The following MYCBP2 variants were observed in gnomAD, a reference collection of about 807,000 sequenced individuals.
MYCBP2 encodes the protein E3 ubiquitin-protein ligase MYCBP2.
In MYCBP2, 120 loss-of-function variants were observed where a neutral mutation model predicts 525.3. The observed-to-expected ratio is 0.23, with a 90% CI of 0.20 to 0.27. MYCBP2 has a LOEUF of 0.27. Ranked by LOEUF, MYCBP2 falls within the 10% of genes least tolerant of loss-of-function variation. MYCBP2 has a pLI of 1.00. For synonymous variants in MYCBP2, 1,894 were observed against 1,955.8 expected, an observed-to-expected ratio of 0.97 and a Z score of 0.83; for missense variants, 4,149 against 5,657.1, an observed-to-expected ratio of 0.73 and a Z score of 8.55.
chr13:77,162,413 T>A (rs2058042971), intron 43 of MYCBP2, among the ~76,000 whole-genome samples: 1 of 152,232 alleles, frequency 6.6e-6, no homozygotes, highest in South Asian at 2.1e-4. Flanking sequence ...TTAGTTAATA[T>A]AGAACATATT....
At chr13:77,107,893 TAGG>T (rs1477721800) in intron 55 of MYCBP2, among the ~76,000 whole-genome samples, 6 of 152,100 alleles carry the variant, frequency 3.9e-5, no homozygotes, top group Non-Finnish European at 5.9e-5. Context: ...GTAGTAAACT[TAGG>T]AGGAATATGG....
Position 77,212,091 on chromosome 13 carries a change from T to C in MYCBP2, c.3127A>G (p.Ile1043Val), listed in dbSNP as rs555431815. ...WNAKPAPMPN[I>V]GSKYGRKATW... ...GCTTTTCTTCCATATTTTGATCCAA[T>C]GTTAGGCATGGGAGCTGGCTTTGCA... The change falls in exon 22 of 83, where the codon ATT becomes GTT. Residue 1043 changes from isoleucine to valine, a missense_variant. By Grantham distance (29) the Ile-to-Val change is conservative. Transcript: ENST00000544440. 6.2e-7 allele frequency: 1 copy of C among 1,614,008 alleles called. No individual in the cohort carries two copies. Among genetic ancestry groups the C allele is most frequent in the East Asian group, 2.2e-5 (1 of 44,872 alleles).
intron 57 of MYCBP2, among the ~76,000 whole-genome samples, 196 bp downstream of exon 57, chr13:77,096,116 C>A (rs956525931): frequency 1.3e-5 from 2 of 151,308 alleles, no homozygotes; most frequent in East Asian, 3.9e-4. Flanking sequence ...AGTGTTATTC[C>A]AATATATAGT....
chr13:77,250,627 C>T (rs969180713), intron 15 of MYCBP2, among the ~76,000 whole-genome samples: 4 of 152,046 alleles, frequency 2.6e-5, no homozygotes, highest in Non-Finnish European at 4.4e-5. Flanking sequence ...AATATAGAAC[C>T]CTGAAAAATG....
At chr13:77,143,809 G>C in intron 49 of MYCBP2, among the ~76,000 whole-genome samples, 1 of 152,144 alleles carries the variant, frequency 6.6e-6, no homozygotes, top group East Asian at 1.9e-4. Flanking sequence ...CTACAATCCT[G>C]TACAGCATGT....
At position 77,098,142 on chromosome 13, in the gene MYCBP2, C is replaced by T. The variant is rs780915312; in HGVS notation, c.9012G>A (p.Ser3004=). Residue 3004 remains serine, a synonymous_variant, in exon 56 of 83, where the codon TCG becomes TCA. Coordinates refer to ENST00000544440, the MANE Select transcript of MYCBP2 (RefSeq NM_015057.5). ...ATCCATCTCCTTTGAAAAGAAAACT[C>T]GATTTTTCTTTTTTGGGCCTGGTGT... ...NRHTRPKKEK[S]SFLFKGDGSK... is the part of the protein sequence containing the mutation. 8 of 1,613,536 alleles carry T rather than the reference C, an allele frequency of 5.0e-6. No homozygotes were observed. The highest frequency in any genetic ancestry group is 1.7e-5 in the Admixed American group (1 of 59,920).
At chr13:77,255,327 G>C (rs145152361) in intron 14 of MYCBP2, among the ~76,000 whole-genome samples, 68 of 151,854 alleles carry the variant, frequency 4.5e-4, no homozygotes, top group South Asian at 1.0e-3. Context: ...TTACTCATCT[G>C]CTTTCTAATT....
At position 77,049,894 on chromosome 13, in the gene MYCBP2, C is replaced by T. The variant is rs149999848; in HGVS notation, c.13921+1103G>A. 1.0e-3 allele frequency among the ~76,000 whole-genome samples: 157 copies of T among 152,278 alleles called. 1 individual carries two copies. Among genetic ancestry groups the T allele is most frequent in the Middle Eastern group, 3.4e-3 (1 of 294 alleles). Reference sequence around the variant, plus strand: ...CAAGTGATCCACCTGCTTCGGTCTCCCATAGTGCTGGGATTACAGGTGTCA... The same window carrying T: ...CAAGTGATCCACCTGCTTCGGTCTCTCATAGTGCTGGGATTACAGGTGTCA... On this transcript the variant is annotated intron_variant, in intron 82 of 82. Transcript: ENST00000544440.
At chr13:77,135,141 C>A (rs2154177224) in intron 52 of MYCBP2, among the ~76,000 whole-genome samples, 1 of 152,264 alleles carries the variant, frequency 6.6e-6, no homozygotes, top group South Asian at 2.1e-4. Flanking sequence ...AAGAGATAGA[C>A]ACAAACAGTG....
In MYCBP2 at chr13:77,098,629, G is replaced by A. The variant is rs1566516518; in HGVS notation, c.8525C>T (p.Ser2842Phe). The change falls in exon 56 of 83, where the codon TCC (serine) becomes TTC (phenylalanine). Residue 2842 changes from serine (S) to phenylalanine (F), a missense_variant. By Grantham distance (155) the Ser-to-Phe change is radical (BLOSUM62 -2). This residue lies in a region of MYCBP2 where 653 missense variants were observed against 744.7 expected (regional missense o/e 0.88). Coordinates refer to ENST00000544440, the MANE Select transcript of MYCBP2 (RefSeq NM_015057.5). Reference protein sequence around the residue: ...SSPSGASSPRSSSPHDKNLPQ... With the variant: ...SSPSGASSPRFSSPHDKNLPQ... ...TAGATTTTTATCATGTGGTGAGGAGGAGCGTGGAGAACTAGCACCCGATGG... is the reference window on the plus strand; with the variant it reads ...TAGATTTTTATCATGTGGTGAGGAGAAGCGTGGAGAACTAGCACCCGATGG... 4.3e-6 allele frequency: 7 copies of A among 1,613,578 alleles called. No homozygotes were observed. Among genetic ancestry groups the A allele is most frequent in the African/African-American group, 2.7e-5 (2 of 74,868 alleles).
At chr13:77,180,804 C>T (rs2060147061) in intron 33 of MYCBP2, among the ~76,000 whole-genome samples, 1 of 152,026 alleles carries the variant, frequency 6.6e-6, no homozygotes, top group Non-Finnish European at 1.5e-5. Context: ...CCTACAGCCC[C>T]AGCTACTTGG....
intron 17 of MYCBP2, among the ~76,000 whole-genome samples, chr13:77,234,155 T>C (rs886666511): frequency 6.6e-6 from 1 of 151,908 alleles, no homozygotes; most frequent in Non-Finnish European, 1.5e-5. Flanking sequence ...AAAAGAAAAA[T>C]AAATTTTAGT....
intron 1 of MYCBP2, among the ~76,000 whole-genome samples, chr13:77,310,149 C>T (rs1462171634): frequency 6.6e-6 from 1 of 152,068 alleles, no homozygotes. Context: ...ACAAAAAATA[C>T]CCTATGATTG....
Position 77,058,171 on chromosome 13 carries a change from C to T in MYCBP2, c.13329+47G>A, listed in dbSNP as rs2038541936. ...AATGTTTATTTGACAAATATATTCC[C>T]CATCTTAATGTCTGGATACATTCAA... is the stretch of plus-strand genomic sequence containing the variant. On this transcript the variant is annotated intron_variant, in intron 78 of 82. Coordinates refer to ENST00000544440, the MANE Select transcript of MYCBP2 (RefSeq NM_015057.5). This position sits in a 1 kb window ranked among gnomAD's most constrained non-coding sequence, Gnocchi z 4.1. 2.5e-6 allele frequency: 4 copies of T among 1,575,522 alleles called. No individual in the cohort carries two copies. The highest frequency in any genetic ancestry group is 1.7e-4 in the Middle Eastern group (1 of 5,726).
chr13:77,235,720 G>A (rs1056976696), intron 17 of MYCBP2, among the ~76,000 whole-genome samples: 6 of 152,120 alleles, frequency 3.9e-5, no homozygotes, highest in Admixed American at 3.3e-4. Flanking sequence ...GGGAGGGAGG[G>A]TTTACACACA....
At chr13:77,163,335 A>G (rs963075612) in intron 43 of MYCBP2, among the ~76,000 whole-genome samples, 4 of 152,172 alleles carry the variant, frequency 2.6e-5, no homozygotes, top group Non-Finnish European at 4.4e-5. Context: ...ATTTCCATAC[A>G]TATATACCAA....
At chr13:77,071,235 G>GTA (rs1555305746) in intron 68 of MYCBP2, among the ~76,000 whole-genome samples, 1 of 23,276 alleles carries the variant, frequency 4.3e-5, no homozygotes, top group Non-Finnish European at 9.2e-5. Context: ...ATATATGTGT[G>GTA]TGTATATATA....
intron 80 of MYCBP2, among the ~76,000 whole-genome samples, chr13:77,053,125 G>A (rs973422836): frequency 6.7e-6 from 1 of 149,732 alleles, no homozygotes; most frequent in Non-Finnish European, 1.5e-5. Flanking sequence ...GTGATATGGT[G>A]AGACCCCGTC....
rs572696680 is a variant in MYCBP2, at chr13:77,276,042, A to G, written c.749-2374T>C. On this transcript the variant is annotated intron_variant, in intron 4 of 82. Coordinates refer to ENST00000544440, the MANE Select transcript of MYCBP2 (RefSeq NM_015057.5). Reference sequence around the variant, plus strand: ...ACTTTCCTCCATACGATTTATCCACATTTGTAATTATACACATATCCAACT... The same window carrying G: ...ACTTTCCTCCATACGATTTATCCACGTTTGTAATTATACACATATCCAACT... 3.7e-4 allele frequency among the ~76,000 whole-genome samples: 57 copies of G among 152,320 alleles called. 1 individual carries two copies. The highest frequency in any genetic ancestry group is 1.2e-3 in the African/African-American group (49 of 41,570).
Sources: gnomAD v4.1 joint callset for allele counts (sites outside exome capture counted in the v4.1 genomes callset) on GRCh38, gnomAD v4.1.1 for gene constraint, gnomAD v4.1.1 regional missense constraint, Gnocchi (gnomAD v3.1) non-coding constraint, MANE v1.5 for transcripts, NCBI Gene and HGNC (gene_info 2026-07-23, HGNC 2026-07-21) for gene names.